Variants in FAF1 observed in about 807,000 individuals in gnomAD.
FAF1 encodes FAS-associated factor 1.
In FAF1, 25 loss-of-function variants were observed where a neutral mutation model predicts 92.5. That is an observed-to-expected ratio of 0.27 (90% CI 0.20 to 0.38). FAF1 has a LOEUF of 0.38. FAF1 is among the 10% of genes least tolerant of loss of function. The probability of loss-of-function intolerance (pLI) is 1.00; values close to 1 mark genes in which losing one functional copy is unlikely to be tolerated. For missense variants in FAF1, 636 were observed against 793.3 expected, an observed-to-expected ratio of 0.80 and a Z score of 2.38; for synonymous variants, 234 against 273.2, an observed-to-expected ratio of 0.86 and a Z score of 1.42.
chr1:50,873,797 A>G (rs921376457), intron 1 of FAF1, among the ~76,000 whole-genome samples: 2 of 152,196 alleles, frequency 1.3e-5, no homozygotes, highest in African/African-American at 4.8e-5. Context: ...GTGTGAGTTT[A>G]ATAAAGTTGC....
chr1:50,736,239 A>C (rs1411879807), intron 6 of FAF1, among the ~76,000 whole-genome samples: 2 of 152,188 alleles, frequency 1.3e-5, no homozygotes, highest in African/African-American at 4.8e-5. Flanking sequence ...TAGAATCATA[A>C]TTATCTTTTT....
intron 4 of FAF1, among the ~76,000 whole-genome samples, chr1:50,785,724 A>G (rs527429766): frequency 6.6e-6 from 1 of 152,308 alleles, no homozygotes; most frequent in Non-Finnish European, 1.5e-5. Context: ...GCTATAGGAA[A>G]CAGTATGGAA....
intron 1 of FAF1, among the ~76,000 whole-genome samples, chr1:50,955,215 A>G (rs1184306226): frequency 6.6e-6 from 1 of 152,216 alleles, no homozygotes; most frequent in African/African-American, 2.4e-5. Context: ...TACAAAAAGA[A>G]CAGTTATTCT....
rs898384407 is a variant in FAF1, at chr1:50,437,582, T to A, written c.*3858A>T. On this transcript the variant is annotated 3_prime_UTR_variant, in exon 19 of 19. Transcript: ENST00000396153. ...AGTTTTATTTTTTATTTATTTATTTTTTTAGAGACAGGGTCTTGGTATGTG... is the reference window on the plus strand; with the variant it reads ...AGTTTTATTTTTTATTTATTTATTTATTTAGAGACAGGGTCTTGGTATGTG... 6.6e-6 allele frequency: 1 copy of A among 152,104 alleles called. No homozygotes were observed. Among genetic ancestry groups the A allele is most frequent in the Non-Finnish European group, 1.5e-5 (1 of 68,036 alleles). The allele number at this position is 152,104 out of a possible 1,614,324, so 9.4% of individuals were successfully genotyped here. A position where few individuals can be genotyped will look rare whatever the true frequency, so the allele number is the denominator to read the frequency against.
At chr1:50,841,460 T>A (rs141313368) in intron 2 of FAF1, among the ~76,000 whole-genome samples, 623 of 152,158 alleles carry the variant, frequency 4.1e-3, no homozygotes, top group Middle Eastern at 0.017. Flanking sequence ...TGTTTCCATA[T>A]AGTTTTAAAT....
rs1308402110 is a variant in FAF1, at chr1:50,452,036, C to T, written c.1870-10513G>A. The T allele has an allele frequency of 6.1e-6, 8 of 1,304,160 alleles. No homozygotes were observed. The Admixed American group carries it at 1.9e-4, about 30-fold the overall frequency. 80.8% of individuals were successfully genotyped at this position (1,304,160 alleles called of 1,614,324 possible). On this transcript the variant is annotated intron_variant, in intron 18 of 18. Transcript: ENST00000396153. ...AATGACAATATAAGTGGGGAAGGCCCAGAGGGGATTCTATTAAGAATGGAA... is the reference window on the plus strand; with the variant it reads ...AATGACAATATAAGTGGGGAAGGCCTAGAGGGGATTCTATTAAGAATGGAA...
chr1:50,883,500 C>A (rs906479414), intron 1 of FAF1, among the ~76,000 whole-genome samples: 1 of 152,114 alleles, frequency 6.6e-6, no homozygotes, highest in Non-Finnish European at 1.5e-5. Flanking sequence ...TCTTATCAAG[C>A]CTCTAGACTT....
rs1652299282 is a variant in FAF1, at chr1:50,604,745, G to T, written c.745-8529C>A. Among the ~76,000 whole-genome samples, 5 of 152,222 alleles carry T rather than the reference G, an allele frequency of 3.3e-5. No individual in the cohort carries two copies. In the South Asian group the frequency reaches 1.0e-3, roughly 32 times the overall value. On this transcript the variant is annotated intron_variant, in intron 8 of 18. Transcript: ENST00000396153. ...AGATGGAGTCTCATCATGTTGCCCA[G>T]GCTGGTCTTGAGCTCCTGGGCTCCC...
rs140226996 is a variant in FAF1 at position 50,922,391 on chromosome 1, G to A, written c.45+37376C>T. On this transcript the variant is annotated intron_variant, in intron 1 of 18. Coordinates refer to ENST00000396153, the MANE Select transcript of FAF1 (RefSeq NM_007051.3). ...GGAGAATCGCTTGAACCTGAGAAAC[G>A]GAGGTTGTAGTGAACCAAGATCGCG... Among the ~76,000 whole-genome samples the A allele has an allele frequency of 1.8e-4, 26 of 143,844 alleles. No homozygotes were observed. In the East Asian group the frequency reaches 4.3e-3, roughly 24 times the overall value. The allele number at this position is 143,844 out of a possible 152,430, so 94.4% of individuals were successfully genotyped here. A position where few individuals can be genotyped will look rare whatever the true frequency, so the allele number is the denominator to read the frequency against.
chr1:50,528,947 T>C (rs1381060934), intron 15 of FAF1, among the ~76,000 whole-genome samples: 2 of 152,206 alleles, frequency 1.3e-5, no homozygotes, highest in African/African-American at 4.8e-5. Context: ...ATTTTATTTC[T>C]CTAGTTCACT....
At chr1:50,488,223 C>T (rs532217536) in intron 17 of FAF1, among the ~76,000 whole-genome samples, 2 of 152,156 alleles carry the variant, frequency 1.3e-5, no homozygotes, top group Admixed American at 6.5e-5. Context: ...TCCTCTCCCC[C>T]ACTGTACCCC....
chr1:50,869,991 T>C (rs1485156685), intron 1 of FAF1, among the ~76,000 whole-genome samples: 2 of 152,250 alleles, frequency 1.3e-5, no homozygotes, highest in Admixed American at 6.5e-5. Flanking sequence ...TGCATTATGA[T>C]GGTATCCTTA....
At chr1:50,668,479 T>A (rs532143871) in intron 7 of FAF1, among the ~76,000 whole-genome samples, 1 of 152,296 alleles carries the variant, frequency 6.6e-6, no homozygotes, top group Admixed American at 6.5e-5. Flanking sequence ...AAAGCCTATC[T>A]TAAGAAAAGT....
intron 7 of FAF1, among the ~76,000 whole-genome samples, chr1:50,690,679 T>A (rs1656881586): frequency 6.6e-6 from 1 of 152,210 alleles, no homozygotes; most frequent in African/African-American, 2.4e-5. Flanking sequence ...TAAAATGCAT[T>A]GTGCTACATA....
At chr1:50,638,617 T>A (rs143953344) in intron 8 of FAF1, among the ~76,000 whole-genome samples, 2 of 152,130 alleles carry the variant, frequency 1.3e-5, no homozygotes, top group South Asian at 4.2e-4. Context: ...CTAATTTTTT[T>A]GTATTTTTAG....
intron 2 of FAF1, among the ~76,000 whole-genome samples, chr1:50,839,281 T>C (rs560488461): frequency 1.3e-5 from 2 of 152,136 alleles, no homozygotes; most frequent in Non-Finnish European, 2.9e-5. Flanking sequence ...TTGGTTGCAT[T>C]AGTTTACAAT....
At chr1:50,958,129 T>TA (rs1243185522) in intron 1 of FAF1, among the ~76,000 whole-genome samples, 2 of 152,128 alleles carry the variant, frequency 1.3e-5, no homozygotes, top group East Asian at 3.8e-4. Context: ...GGCCCATCTC[T>TA]AAAAAATTTA....
chr1:50,656,212 A>T (rs1349526248), intron 7 of FAF1, among the ~76,000 whole-genome samples: 1 of 151,910 alleles, frequency 6.6e-6, no homozygotes, highest in Non-Finnish European at 1.5e-5. Context: ...GGTGCCTATA[A>T]TCCCAGCTAC....
chr1:50,513,816 C>G (rs1297581033), intron 15 of FAF1, among the ~76,000 whole-genome samples: 1 of 152,184 alleles, frequency 6.6e-6, no homozygotes, highest in Non-Finnish European at 1.5e-5. Flanking sequence ...GAAACTGAGA[C>G]TCAGAAAGTA....
Sources: gnomAD v4.1 joint callset for allele counts (sites outside exome capture counted in the v4.1 genomes callset) on GRCh38, gnomAD v4.1.1 for gene constraint, MANE v1.5 for transcripts, NCBI Gene and HGNC (gene_info 2026-07-23, HGNC 2026-07-21) for gene names.